CEP135: variants seen among roughly 807,000 people sequenced by gnomAD.
The protein encoded by CEP135 is centrosomal protein 135.
A neutral mutation model predicts 157.3 loss-of-function variants in CEP135; 142 were observed. The observed-to-expected ratio is 0.90, with a 90% CI of 0.79 to 1.04. The LOEUF is 1.04. Among genes scored for constraint, CEP135 ranks in the 50% least tolerant of loss-of-function variants. The pLI, the probability that CEP135 is intolerant of heterozygous loss-of-function variation, is 0.00. For missense variants in CEP135, 1,317 were observed against 1,309.2 expected, an observed-to-expected ratio of 1.01 and a Z score of -0.09; for synonymous variants, 396 against 439.8, an observed-to-expected ratio of 0.90 and a Z score of 1.25.
At chr4:55,991,212 A>G (rs1237191554) in intron 14 of CEP135, among the ~76,000 whole-genome samples, 5 of 152,012 alleles carry the variant, frequency 3.3e-5, no homozygotes, top group Non-Finnish European at 5.9e-5. Context: ...TCTTGACTTC[A>G]TGATATGCCC....
At chr4:55,988,437 A>T (rs940508247) in intron 14 of CEP135, among the ~76,000 whole-genome samples, 4 of 152,168 alleles carry the variant, frequency 2.6e-5, no homozygotes, top group African/African-American at 9.7e-5. Flanking sequence ...AGGCAGGAGG[A>T]TCACTTGAGG....
At chr4:55,977,464 C>A (rs1191421234) in intron 11 of CEP135, among the ~76,000 whole-genome samples, 1 of 152,134 alleles carries the variant, frequency 6.6e-6, no homozygotes, top group African/African-American at 2.4e-5. Context: ...TACCTAACTT[C>A]ATGGAACCCT....
At chr4:55,953,059 G>A (rs1728406686) in intron 2 of CEP135, 26 bp from the exon 3 acceptor site, 1 of 1,501,156 alleles carries the variant, frequency 6.7e-7, no homozygotes, top group Non-Finnish European at 8.9e-7. Context: ...AATATTTCCT[G>A]GTATTTAAAT....
At chr4:55,977,835 C>T (rs927509200) in intron 11 of CEP135, among the ~76,000 whole-genome samples, 6 of 152,150 alleles carry the variant, frequency 3.9e-5, no homozygotes, top group East Asian at 1.9e-4. Flanking sequence ...AAGGACCCAG[C>T]GTAACATCTA....
In CEP135 at chr4:55,961,624, T is replaced by C. The variant is rs369262606; in HGVS notation, c.699+1858T>C. 2.3e-3 allele frequency among the ~76,000 whole-genome samples: 355 copies of C among 151,302 alleles called. 1 individual carries two copies. The highest frequency in any genetic ancestry group is 8.3e-3 in the African/African-American group (342 of 41,274). Reference sequence around the variant, plus strand: ...TACTAAAAATACAAAATTAGCCGGGTGTGGTGGCGCATTCCTGTAATCCCA... The same window carrying C: ...TACTAAAAATACAAAATTAGCCGGGCGTGGTGGCGCATTCCTGTAATCCCA... On this transcript the variant is annotated intron_variant, in intron 6 of 25. Transcript: ENST00000257287.
rs375661529 is a variant in CEP135 at position 56,019,427 on chromosome 4, A to C, written c.3087A>C (p.Thr1029=). The C allele has an allele frequency of 6.2e-7, 1 of 1,614,026 alleles. No homozygotes were observed. The highest frequency in any genetic ancestry group is 1.7e-5 in the Admixed American group (1 of 60,012). ...AACAACTTTCAAATGAGAGACATAC[A>C]GTTAAAAACCTCGAATCATTGTTGG... The part of the protein sequence containing the change: ...LKKQLSNERH[T]VKNLESLLAT... Residue 1029 remains threonine, a synonymous_variant, in exon 23 of 26, where the codon ACA becomes ACC. Transcript: ENST00000257287.
intron 11 of CEP135, among the ~76,000 whole-genome samples, chr4:55,977,046 A>G (rs1729249051): frequency 6.6e-6 from 1 of 151,490 alleles, no homozygotes; most frequent in Admixed American, 6.6e-5. Flanking sequence ...GGTTTCAAAC[A>G]CCTGATCTCA....
At chr4:56,008,241 T>A in intron 17 of CEP135, 86 bp from the exon 18 acceptor site, 1 of 934,640 alleles carries the variant, frequency 1.1e-6, no homozygotes, top group African/African-American at 1.6e-5. Flanking sequence ...AGCTGTGTAT[T>A]TGAACTATAT....
chr4:56,010,900 C>G (rs1173059791), intron 19 of CEP135, among the ~76,000 whole-genome samples: 1 of 152,088 alleles, frequency 6.6e-6, no homozygotes, highest in Admixed American at 6.5e-5. Flanking sequence ...GATACATGAT[C>G]AGGACTATTA....
chr4:56,023,021 C>T (rs1184392989), intron 24 of CEP135, among the ~76,000 whole-genome samples: 2 of 152,086 alleles, frequency 1.3e-5, no homozygotes, highest in Non-Finnish European at 2.9e-5. Flanking sequence ...CGCTTGAGGC[C>T]AGGAGTTCAA....
chr4:55,964,508 C>T lies in CEP135; in HGVS notation c.828+106C>T, dbSNP rs1577870462. ...GTTTGTAAAAGTGGCAGGAGTTGTT[C>T]ACTGAGGTATTATTTGCAATGGGAA... On this transcript the variant is annotated intron_variant, in intron 7 of 25. Transcript: ENST00000257287. 4 of 844,320 alleles carry T rather than the reference C, an allele frequency of 4.7e-6. No individual in the cohort carries two copies. In the East Asian group the frequency reaches 1.2e-4, roughly 25 times the overall value. The allele number at this position is 844,320 out of a possible 1,614,324, so 52.3% of individuals were successfully genotyped here.
Position 56,008,273 on chromosome 4 carries a change from T to C in CEP135, c.2281-54T>C. ...ATATGAATATGACAAGTTACATAAA[T>C]TTAGCTAAAGACATTTTGGTTTAAA... On this transcript the variant is annotated intron_variant, in intron 17 of 25. Transcript: ENST00000257287. 1.5e-6 allele frequency: 2 copies of C among 1,295,246 alleles called. 1 individual carries two copies. The allele number at this position is 1,295,246 out of a possible 1,614,324, so 80.2% of individuals were successfully genotyped here. A position where few individuals can be genotyped will look rare whatever the true frequency, so the allele number is the denominator to read the frequency against.
chr4:55,953,633 G>A (rs930784801), intron 3 of CEP135, among the ~76,000 whole-genome samples: 2 of 152,068 alleles, frequency 1.3e-5, no homozygotes, highest in Non-Finnish European at 2.9e-5. Flanking sequence ...ACTATATGTG[G>A]ATTAAATTTT....
intron 13 of CEP135, among the ~76,000 whole-genome samples, chr4:55,983,323 C>A (rs563000298): frequency 4.6e-5 from 7 of 152,276 alleles, no homozygotes; most frequent in African/African-American, 1.7e-4. Context: ...TTATCAGAAT[C>A]CTTCTGGGTT....
At chr4:55,988,629 C>T (rs1208323656) in intron 14 of CEP135, among the ~76,000 whole-genome samples, 2 of 150,846 alleles carry the variant, frequency 1.3e-5, no homozygotes, top group Non-Finnish European at 2.9e-5. Flanking sequence ...CACTGCACTT[C>T]AGCCTGGGTG....
At chr4:55,960,460 C>T (rs1438069018) in intron 6 of CEP135, 1 of 152,154 alleles carries the variant, frequency 6.6e-6, no homozygotes, top group African/African-American at 2.4e-5. Context: ...TAATTATAGG[C>T]TTGTTTTCTT....
chr4:56,013,080 A>T (rs1166764493), intron 21 of CEP135, among the ~76,000 whole-genome samples: 2 of 152,138 alleles, frequency 1.3e-5, no homozygotes, highest in African/African-American at 4.8e-5. Flanking sequence ...TTTTTATAAG[A>T]GCCGTCATAA....
rs989127733 is a variant in CEP135 at position 56,024,022 on chromosome 4, TTA to T, written c.3321-475_3321-474del. ...ATATTTATAATATGTATTTTACATA[TTA>T]TATGTTATATATTGTATATTTTATA... is the stretch of plus-strand genomic sequence containing the variant. On this transcript the variant is annotated intron_variant, in intron 24 of 25. Coordinates refer to ENST00000257287, the MANE Select transcript of CEP135 (RefSeq NM_025009.5). Among the ~76,000 whole-genome samples, 3 of 142,442 alleles carry T rather than the reference TTA, an allele frequency of 2.1e-5. No homozygotes were observed. In the Admixed American group the frequency reaches 2.2e-4, roughly 10 times the overall value. 93.4% of individuals were successfully genotyped at this position (142,442 alleles called of 152,430 possible). A position where few individuals can be genotyped will look rare whatever the true frequency, so the allele number is the denominator to read the frequency against.
At chr4:55,964,660 C>T (rs1428874922) in intron 7 of CEP135, among the ~76,000 whole-genome samples, 2 of 152,018 alleles carry the variant, frequency 1.3e-5, no homozygotes, top group African/African-American at 4.8e-5. Flanking sequence ...AGAATAAACT[C>T]TGGGCACATG....
Sources: allele counts gnomAD v4.1 joint callset (sites outside exome capture counted in the v4.1 genomes callset), GRCh38; gene constraint gnomAD v4.1.1; transcripts MANE v1.5; gene names NCBI Gene and HGNC (gene_info 2026-07-23, HGNC 2026-07-21).